The following POLE2 variants were observed in gnomAD, a reference collection of about 807,000 sequenced individuals.
The protein encoded by POLE2 is DNA polymerase epsilon subunit 2.
A neutral mutation model predicts 79.4 loss-of-function variants in POLE2; 56 were observed. That is an observed-to-expected ratio of 0.71 (90% CI 0.57 to 0.88). The LOEUF (loss-of-function observed/expected upper bound fraction) is 0.88, where lower values mean the gene tolerates loss of function less well. Ranked by LOEUF, POLE2 falls within the 40% of genes least tolerant of loss-of-function variation. The probability of loss-of-function intolerance (pLI) is 0.00; values close to 1 mark genes in which losing one functional copy is unlikely to be tolerated. For missense variants in POLE2, 598 were observed against 638.9 expected (o/e 0.94, Z 0.69); for synonymous variants, 212 against 214.0 (o/e 0.99, Z 0.08).
chr14:49,643,619 T>G lies in POLE2; in HGVS notation c.*33A>C, dbSNP rs370301327. The G allele has an allele frequency of 1.6e-6, 2 of 1,229,996 alleles. No individual in the cohort carries two copies. Among genetic ancestry groups the G allele is most frequent in the Non-Finnish European group, 2.3e-6 (2 of 856,920 alleles). The allele number at this position is 1,229,996 out of a possible 1,614,324, so 76.2% of individuals were successfully genotyped here. A position where few individuals can be genotyped will look rare whatever the true frequency, so the allele number is the denominator to read the frequency against. On this transcript the variant is annotated 3_prime_UTR_variant, in exon 19 of 19. Coordinates refer to ENST00000216367, the MANE Select transcript of POLE2 (RefSeq NM_002692.4). Reference sequence around the variant, plus strand: ...TAAGATATAGAGTTAAGCAGAAAACTGATGAATTTTCTTCAGATGATCTTT... The same window carrying G: ...TAAGATATAGAGTTAAGCAGAAAACGGATGAATTTTCTTCAGATGATCTTT...
At chr14:49,660,549 T>C (rs1885028113) in intron 10 of POLE2, among the ~76,000 whole-genome samples, 3 of 152,082 alleles carry the variant, frequency 2.0e-5, no homozygotes. Flanking sequence ...CAATGCAGCA[T>C]ACTGGCTTGA....
chr14:49,650,966 TAAAAC>T (rs1362513044), intron 16 of POLE2, among the ~76,000 whole-genome samples: 2 of 152,186 alleles, frequency 1.3e-5, no homozygotes, highest in African/African-American at 4.8e-5. Context: ...AACAGTTTAT[TAAAAC>T]AAATATACAT....
At chr14:49,666,092 G>T in intron 7 of POLE2, among the ~76,000 whole-genome samples, 1 of 152,120 alleles carries the variant, frequency 6.6e-6, no homozygotes, top group East Asian at 1.9e-4. Flanking sequence ...TCCCAAAGTG[G>T]CTAGGATTAC....
At chr14:49,687,075 G>A (rs1432580973) in intron 1 of POLE2, among the ~76,000 whole-genome samples, 1 of 151,998 alleles carries the variant, frequency 6.6e-6, no homozygotes, top group Non-Finnish European at 1.5e-5. Flanking sequence ...CTTGAGCCCA[G>A]GAGTTCAAGA....
chr14:49,664,748 A>T, intron 8 of POLE2, 74 bp from the exon 9 acceptor site: 1 of 896,422 alleles, frequency 1.1e-6, no homozygotes, highest in Non-Finnish European at 1.9e-6. Flanking sequence ...GAGTCCAACA[A>T]GGCTTCTAAA....
At chr14:49,678,560 C>T (rs894310383) in intron 3 of POLE2, among the ~76,000 whole-genome samples, 3 of 151,998 alleles carry the variant, frequency 2.0e-5, no homozygotes, top group Admixed American at 1.3e-4. Flanking sequence ...GGGTAAACAA[C>T]GAGTAACGTC....
intron 1 of POLE2, 143 bp downstream of exon 1, chr14:49,687,993 C>G (rs1392758774): frequency 8.9e-6 from 6 of 673,368 alleles, no homozygotes; most frequent in Non-Finnish European, 1.5e-5. Flanking sequence ...CCACCGCGCC[C>G]GACCGCTTCT....
intron 17 of POLE2, 121 bp from the exon 18 acceptor site, chr14:49,647,481 A>G (rs1302143761): frequency 3.3e-6 from 1 of 304,052 alleles, no homozygotes; most frequent in East Asian, 6.4e-5. Flanking sequence ...TTTTTGAGAC[A>G]TGGTCTCACT....
In POLE2 at chr14:49,643,628, T is replaced by C; in HGVS notation, c.*24A>G. 7.7e-7 allele frequency: 1 copy of C among 1,305,850 alleles called. No homozygotes were observed. Among genetic ancestry groups the C allele is most frequent in the Middle Eastern group, 1.8e-4 (1 of 5,418 alleles). 80.9% of individuals were successfully genotyped at this position (1,305,850 alleles called of 1,614,324 possible). ...GAGTTAAGCAGAAAACTGATGAATT[T>C]TCTTCAGATGATCTTTAAGAATCTC... On this transcript the variant is annotated 3_prime_UTR_variant, in exon 19 of 19. Transcript: ENST00000216367.
intron 2 of POLE2, chr14:49,681,765 T>C (rs1185128064): frequency 3.5e-5 from 5 of 143,972 alleles, no homozygotes; most frequent in South Asian, 2.2e-4. Context: ...GCCATTGCAG[T>C]GAACCGAGAT....
At chr14:49,666,960 GGA>G (rs532147357) in intron 6 of POLE2, among the ~76,000 whole-genome samples, 92 of 152,154 alleles carry the variant, frequency 6.0e-4, no homozygotes, top group African/African-American at 2.1e-3. Context: ...CAGCACTTTG[GGA>G]GGCCGAGGCA....
intron 6 of POLE2, 124 bp from the exon 7 acceptor site, chr14:49,666,537 T>C (rs1248851483): frequency 2.3e-6 from 1 of 439,072 alleles, no homozygotes; most frequent in African/African-American, 2.1e-5. Flanking sequence ...CAGTAGAAAA[T>C]CAAATAAAAT....
At chr14:49,676,169 T>C (rs758934140) in intron 3 of POLE2, among the ~76,000 whole-genome samples, 4 of 152,326 alleles carry the variant, frequency 2.6e-5, no homozygotes, top group Admixed American at 2.0e-4. Context: ...GTGTTAGAGA[T>C]GGAAAACCAA....
Position 49,654,784 on chromosome 14 carries a change from C to A in POLE2, c.1073G>T (p.Ser358Ile). Reference protein sequence around the residue: ...IICEYPDIHQSSRFVFVPGPE... With the variant: ...IICEYPDIHQISRFVFVPGPE... ...AATATATAGTGCTAGAGATCATTAC[C>A]TTTGGTGAATATCTGGGTATTCACA... Residue 358 changes from serine (S) to isoleucine (I), a missense_variant and splice_region_variant, in exon 13 of 19, where the codon AGT becomes ATT. Ser to Ile is a moderately radical substitution (Grantham distance 142). Transcript: ENST00000216367. 1 of 1,482,312 alleles carries A rather than the reference C, an allele frequency of 6.7e-7. No homozygotes were observed. The allele number at this position is 1,482,312 out of a possible 1,614,324, so 91.8% of individuals were successfully genotyped here.
Position 49,665,124 on chromosome 14 carries a change from G to T in POLE2, c.616C>A (p.Leu206Ile). The T allele has an allele frequency of 7.1e-7, 1 of 1,415,222 alleles. No homozygotes were observed. Among genetic ancestry groups the T allele is most frequent in the Non-Finnish European group, 1.0e-6 (1 of 1,002,838 alleles). 87.7% of individuals were successfully genotyped at this position (1,415,222 alleles called of 1,614,324 possible). ...FLEDPTGTVQLDLSKAQFHSG... is the reference protein window; with the variant it reads ...FLEDPTGTVQIDLSKAQFHSG... ...AAGGATATAGCTTTACTAAGGTCTA[G>T]TTGGACTGTTCCAGTAGGATCTTCC... Residue 206 changes from leucine (L) to isoleucine (I), a missense_variant, in exon 8 of 19, where the codon CTA becomes ATA. Leu to Ile is a conservative substitution (Grantham distance 5). Transcript: ENST00000216367.
chr14:49,648,092 A>G (rs922324270), intron 17 of POLE2, among the ~76,000 whole-genome samples: 10 of 152,190 alleles, frequency 6.6e-5, no homozygotes, highest in Non-Finnish European at 1.5e-4. Context: ...TTGCATTCCT[A>G]TGTACCTGTT....
rs45585747 is a variant in POLE2 at position 49,647,861 on chromosome 14, G to A, written c.1498-501C>T. ...AAAGTAACACAACAGATTTTTACAC[G>A]ATCTTTTTACAGAGTTGTTACTATA... is the stretch of plus-strand genomic sequence containing the variant. On this transcript the variant is annotated intron_variant, in intron 17 of 18. Transcript: ENST00000216367. 4.4e-3 allele frequency among the ~76,000 whole-genome samples: 668 copies of A among 152,258 alleles called. 8 individuals are homozygous for A. The highest frequency in any genetic ancestry group is 0.015 in the African/African-American group (636 of 41,550).
intron 18 of POLE2, chr14:49,647,078 A>G (rs904807474): frequency 2.7e-6 from 1 of 370,574 alleles, no homozygotes; most frequent in Non-Finnish European, 4.9e-6. Context: ...TTTCCCCCAG[A>G]AAACAGTTCT....
intron 2 of POLE2, among the ~76,000 whole-genome samples, chr14:49,683,327 G>A (rs1307452098): frequency 6.6e-6 from 1 of 151,988 alleles, no homozygotes; most frequent in Non-Finnish European, 1.5e-5. Context: ...GCTTGAACCC[G>A]GGAGGTGGGG....
Sources: allele counts gnomAD v4.1 joint callset (sites outside exome capture counted in the v4.1 genomes callset), GRCh38; gene constraint gnomAD v4.1.1; transcripts MANE v1.5; gene names NCBI Gene and HGNC (gene_info 2026-07-23, HGNC 2026-07-21).